The following UBE3C variants were observed in gnomAD, a reference collection of about 807,000 sequenced individuals.
The protein encoded by UBE3C is ubiquitin-protein ligase E3C.
UBE3C carries 42 observed loss-of-function variants against 129.4 expected under a neutral mutation model. The observed-to-expected ratio is 0.32, with a 90% CI of 0.25 to 0.42. The LOEUF (loss-of-function observed/expected upper bound fraction) is 0.42. Ranked by LOEUF, UBE3C falls within the 10% of genes least tolerant of loss-of-function variation. The probability of loss-of-function intolerance (pLI) is 1.00; values close to 1 mark genes in which losing one functional copy is unlikely to be tolerated. For synonymous variants in UBE3C, 510 were observed against 492.4 expected (o/e 1.04, Z -0.47); for missense variants, 1,049 against 1,319.1 (o/e 0.80, Z 3.17).
chr7:157,191,457 T>C (rs566457835), intron 10 of UBE3C, among the ~76,000 whole-genome samples: 2 of 152,280 alleles, frequency 1.3e-5, no homozygotes, highest in African/African-American at 2.4e-5. Flanking sequence ...ACCTGGCTAA[T>C]TTTTTGTAAT....
At chr7:157,220,209 T>A (rs186101359) in intron 14 of UBE3C, among the ~76,000 whole-genome samples, 75 of 151,702 alleles carry the variant, frequency 4.9e-4, no homozygotes, top group Admixed American at 2.3e-3. Flanking sequence ...AGACCGTGTA[T>A]CAAAAAATAA....
chr7:157,224,090 C>T (rs1230929394), intron 16 of UBE3C, among the ~76,000 whole-genome samples: 1 of 152,022 alleles, frequency 6.6e-6, no homozygotes, highest in Non-Finnish European at 1.5e-5. Context: ...CTCACAGCAG[C>T]CTCAAACTCC....
In UBE3C at chr7:157,138,961, G is replaced by A. The variant is rs1185668151; in HGVS notation, c.-312G>A. The A allele has an allele frequency of 6.6e-6, 1 of 152,240 alleles. No homozygotes were observed. The highest frequency in any genetic ancestry group is 1.5e-5 in the Non-Finnish European group (1 of 68,286). 9.4% of individuals were successfully genotyped at this position (152,240 alleles called of 1,614,324 possible). A position where few individuals can be genotyped will look rare whatever the true frequency, so the allele number is the denominator to read the frequency against. ...ACGGCTGACCGCCATCTTCCCTCCC[G>A]AGGCGGCAGTTCCAGGTGCAAGCGC... On this transcript the variant is annotated 5_prime_UTR_variant, in exon 1 of 23. Transcript: ENST00000348165.
At chr7:157,154,950 CAT>C (rs1807861287) in intron 1 of UBE3C, among the ~76,000 whole-genome samples, 1 of 152,162 alleles carries the variant, frequency 6.6e-6, no homozygotes, top group South Asian at 2.1e-4. Flanking sequence ...GCTGTTAATG[CAT>C]AGTCAGTTTT....
intron 1 of UBE3C, among the ~76,000 whole-genome samples, chr7:157,147,822 G>A (rs541736298): frequency 4.3e-4 from 66 of 152,304 alleles, no homozygotes; most frequent in African/African-American, 1.6e-3. Context: ...TGCAGCTTGT[G>A]GATATGATGG....
At chr7:157,256,726 C>A in intron 21 of UBE3C, 188 bp from the exon 22 acceptor site, 1 of 611,050 alleles carries the variant, frequency 1.6e-6, no homozygotes, top group Non-Finnish European at 2.8e-6. Flanking sequence ...TGGGATTGTA[C>A]CAGTGCTCTA....
intron 1 of UBE3C, among the ~76,000 whole-genome samples, chr7:157,147,230 T>C (rs1807631101): frequency 6.6e-6 from 1 of 152,236 alleles, no homozygotes; most frequent in African/African-American, 2.4e-5. Flanking sequence ...ATTTTCCTTA[T>C]ATATACCTTA....
At chr7:157,209,341 AT>A (rs1378241713) in intron 13 of UBE3C, among the ~76,000 whole-genome samples, 2 of 152,232 alleles carry the variant, frequency 1.3e-5, no homozygotes, top group Non-Finnish European at 2.9e-5. Context: ...GCATCGTTGA[AT>A]TTATAATTTG....
At position 157,248,351 on chromosome 7, in the gene UBE3C, A is replaced by G; in HGVS notation, c.2482-17A>G. ...TTGTATATTCGATGCTAACGTTGTC[A>G]CTGTTCTCTTTTGAAGGCTCTCTAT... On this transcript the variant is annotated splice_polypyrimidine_tract_variant and intron_variant, in intron 18 of 22. Coordinates refer to ENST00000348165, the MANE Select transcript of UBE3C (RefSeq NM_014671.3). The G allele has an allele frequency of 1.2e-6, 2 of 1,607,756 alleles. No individual in the cohort carries two copies. The highest frequency in any genetic ancestry group is 1.7e-6 in the Non-Finnish European group (2 of 1,176,808).
In UBE3C at chr7:157,228,407, G is replaced by A. The variant is rs554423653; in HGVS notation, c.2234-2673G>A. ...GTAAAGTGGGTAACAAAGTTCCCTC[G>A]GGGCCTGGAGCTCACTCTGTCATTG... On this transcript the variant is annotated intron_variant, in intron 17 of 22. Coordinates refer to ENST00000348165, the MANE Select transcript of UBE3C (RefSeq NM_014671.3). Among the ~76,000 whole-genome samples the A allele has an allele frequency of 5.0e-4, 76 of 152,344 alleles. 2 individuals carry two copies. In the South Asian group the frequency reaches 9.7e-3, roughly 20 times the overall value.
rs756105774 is a variant in UBE3C at position 157,253,934 on chromosome 7, C to T, written c.2695-20C>T. ...ATCATACTTTGAGGATTTTGAGATCCTTACGTTTTGTATTCCCAGGTAGTT... is the reference window on the plus strand; with the variant it reads ...ATCATACTTTGAGGATTTTGAGATCTTTACGTTTTGTATTCCCAGGTAGTT... On this transcript the variant is annotated intron_variant, in intron 19 of 22. Coordinates refer to ENST00000348165, the MANE Select transcript of UBE3C (RefSeq NM_014671.3). The T allele has an allele frequency of 4.2e-5, 65 of 1,554,466 alleles. 1 individual carries two copies. The Admixed American group carries it at 6.0e-4, about 14-fold the overall frequency.
At chr7:157,253,859 A>G (rs1796677628) in intron 19 of UBE3C, 95 bp from the exon 20 acceptor site, 1 of 1,194,378 alleles carries the variant, frequency 8.4e-7, no homozygotes, top group Admixed American at 2.8e-5. Flanking sequence ...CAAAGCATCA[A>G]GTCCTATTTC....
chr7:157,164,485 A>T, intron 2 of UBE3C: 1 of 456,666 alleles, frequency 2.2e-6, no homozygotes. Flanking sequence ...AAGCATAAGG[A>T]GAAAGCTCAC....
intron 1 of UBE3C, among the ~76,000 whole-genome samples, chr7:157,149,305 C>T (rs1249050315): frequency 6.6e-6 from 1 of 152,140 alleles, no homozygotes; most frequent in Non-Finnish European, 1.5e-5. Context: ...ATCCACCCAC[C>T]TCAGCCTCCC....
intron 12 of UBE3C, 52 bp from the exon 13 acceptor site, chr7:157,207,651 T>C: frequency 6.3e-7 from 1 of 1,593,698 alleles, no homozygotes; most frequent in African/African-American, 1.4e-5. Flanking sequence ...TCTTTCAGTG[T>C]GTGTTAAAAG....
At chr7:157,142,245 T>C (rs914050126) in intron 1 of UBE3C, among the ~76,000 whole-genome samples, 1 of 152,230 alleles carries the variant, frequency 6.6e-6, no homozygotes, top group East Asian at 1.9e-4. Context: ...TCTTAAATTA[T>C]TATTTGAAAT....
At position 157,178,687 on chromosome 7, in the gene UBE3C, C is replaced by T. The variant is rs767209286; in HGVS notation, c.459-3C>T. The T allele has an allele frequency of 9.3e-5, 150 of 1,609,390 alleles. 1 individual carries two copies. The highest frequency in any genetic ancestry group is 1.2e-4 in the Non-Finnish European group (147 of 1,177,510). ...TGTGTGAATACTTTTTTCATTTTTA[C>T]AGGTTGCTGCAAAACTGTAATGATG... On this transcript the variant is annotated splice_region_variant and splice_polypyrimidine_tract_variant and intron_variant, in intron 5 of 22. Transcript: ENST00000348165.
At chr7:157,196,538 G>A (rs1033519969) in intron 10 of UBE3C, among the ~76,000 whole-genome samples, 2 of 152,224 alleles carry the variant, frequency 1.3e-5, no homozygotes, top group African/African-American at 2.4e-5. Flanking sequence ...ACATAGAAGA[G>A]TGTTTAGTGT....
intron 4 of UBE3C, among the ~76,000 whole-genome samples, chr7:157,174,032 C>T (rs1407546706): frequency 1.3e-5 from 2 of 152,108 alleles, no homozygotes; most frequent in African/African-American, 4.8e-5. Context: ...TAGGCAAAGA[C>T]AAGGCTATGT....
Sources: allele counts gnomAD v4.1 joint callset (sites outside exome capture counted in the v4.1 genomes callset), GRCh38; gene constraint gnomAD v4.1.1; transcripts MANE v1.5; gene names NCBI Gene and HGNC (gene_info 2026-07-23, HGNC 2026-07-21).